Variants in DNAH8 observed in about 807,000 individuals in gnomAD.
DNAH8 encodes the protein dynein axonemal heavy chain 8, also known as axonemal beta dynein heavy chain 8.
Under a neutral mutation model 562.1 loss-of-function variants are expected in DNAH8, and 382 were observed. That is an observed-to-expected ratio of 0.68 (90% CI 0.63 to 0.74). The LOEUF is 0.74. Among genes scored for constraint, DNAH8 ranks in the 30% least tolerant of loss-of-function variants. DNAH8 has a pLI of 0.00. For missense variants in DNAH8, 5,203 were observed against 5,620.4 expected (o/e 0.93, Z 2.37); for synonymous variants, 1,881 against 1,919.4 (o/e 0.98, Z 0.52).
At position 38,935,457 on chromosome 6, in the gene DNAH8, A is replaced by C. The variant is rs923678686; in HGVS notation, c.11458-135A>C. The C allele has an allele frequency of 2.1e-5, 13 of 627,818 alleles. No individual in the cohort carries two copies. In the East Asian group the frequency reaches 3.3e-4, roughly 16 times the overall value. 38.9% of individuals were successfully genotyped at this position (627,818 alleles called of 1,614,324 possible). On this transcript the variant is annotated intron_variant, in intron 76 of 92. Transcript: ENST00000327475. Reference sequence around the variant, plus strand: ...TATGGATAGATAGATTTGGCTAATGATAGTAATTTCTTCTGCCATTCAAAA... The same window carrying C: ...TATGGATAGATAGATTTGGCTAATGCTAGTAATTTCTTCTGCCATTCAAAA...
intron 62 of DNAH8, among the ~76,000 whole-genome samples, chr6:38,905,947 C>T (rs531676852): frequency 2.0e-5 from 3 of 152,022 alleles, no homozygotes; most frequent in Non-Finnish European, 4.4e-5. Context: ...ACTCTGTCGC[C>T]CAGGCTGGAG....
intron 10 of DNAH8, among the ~76,000 whole-genome samples, 192 bp from the exon 11 acceptor site, chr6:38,761,510 G>A (rs1042179737): frequency 6.6e-6 from 1 of 150,988 alleles, no homozygotes; most frequent in Non-Finnish European, 1.5e-5. Flanking sequence ...TTCCCAGGCT[G>A]GCTTTGAACT....
intron 26 of DNAH8, among the ~76,000 whole-genome samples, 177 bp from the exon 27 acceptor site, chr6:38,822,661 T>TGA (rs1011496303): frequency 9.9e-5 from 15 of 152,260 alleles, no homozygotes; most frequent in Middle Eastern, 3.4e-3. Flanking sequence ...CATAGTTTAA[T>TGA]GAGAATACAT....
chr6:38,923,080 C>G lies in DNAH8; in HGVS notation c.10685C>G (p.Thr3562Arg). 2 of 1,613,356 alleles carry G rather than the reference C, an allele frequency of 1.2e-6. No homozygotes were observed. The highest frequency in any genetic ancestry group is 1.7e-6 in the Non-Finnish European group (2 of 1,179,652). Residue 3562 changes from threonine to arginine, a missense_variant, in exon 72 of 93, where the codon ACG (threonine) becomes AGG (arginine). Thr to Arg is a moderately conservative substitution (Grantham distance 71, BLOSUM62 -1). This residue lies in a region of DNAH8 where 1,399 missense variants were observed against 1,518.4 expected (regional missense o/e 0.92). Coordinates refer to ENST00000327475, the MANE Select transcript of DNAH8 (RefSeq NM_001206927.2). ...CAGGATTTGCTTAATGACGCTGATA[C>G]GTGCCGGAAAAAGATGCAGGCCGCC... ...EKMDLLNDAD[T>R]CRKKMQAAST...
At chr6:38,889,061 G>T (rs191125193) in intron 57 of DNAH8, among the ~76,000 whole-genome samples, 2 of 152,322 alleles carry the variant, frequency 1.3e-5, no homozygotes, top group East Asian at 3.9e-4. Flanking sequence ...ATGCATGCCA[G>T]CAGACTTATA....
chr6:38,871,880 A>G (rs1561792599), intron 49 of DNAH8, among the ~76,000 whole-genome samples: 1 of 152,188 alleles, frequency 6.6e-6, no homozygotes, highest in African/African-American at 2.4e-5. Context: ...AGGAAAGTCA[A>G]GCTTGCCTGG....
chr6:38,991,841 C>A (rs1764810826), intron 88 of DNAH8, among the ~76,000 whole-genome samples: 1 of 152,302 alleles, frequency 6.6e-6, no homozygotes, highest in African/African-American at 2.4e-5. Flanking sequence ...TAGATGTAGC[C>A]TTTTCAATGA....
Position 38,885,788 on chromosome 6 carries a change from C to T in DNAH8, c.8260-1003C>T, listed in dbSNP as rs530026063. On this transcript the variant is annotated intron_variant, in intron 56 of 92. Transcript: ENST00000327475. ...TATATATCATGTCAGGTGAAGCCTC[C>T]CCTGCTCTCCTTGAGTCACACCCTT... Among the ~76,000 whole-genome samples, 46 of 152,288 alleles carry T rather than the reference C, an allele frequency of 3.0e-4. No individual in the cohort carries two copies. The South Asian group carries it at 3.7e-3, about 12-fold the overall frequency.
At chr6:38,903,610 TC>T (rs1561841088) in intron 62 of DNAH8, among the ~76,000 whole-genome samples, 1 of 108,118 alleles carries the variant, frequency 9.2e-6, no homozygotes, top group Non-Finnish European at 1.7e-5. Flanking sequence ...CTTTCTTTCT[TC>T]CTTTTTTTTT....
chr6:38,924,036 T>A lies in DNAH8; in HGVS notation c.10836T>A (p.Leu3612=). ...TGTGCACGGGATTCCTTTCCTACCTTGGTCCTTTCAATCAGATATTTAGGA... is the reference window on the plus strand; with the variant it reads ...TGTGCACGGGATTCCTTTCCTACCTAGGTCCTTTCAATCAGATATTTAGGA... ...ILLCTGFLSY[L]GPFNQIFRNY... The change falls in exon 73 of 93, where the codon CTT becomes CTA. Residue 3612 remains leucine, a synonymous_variant. Coordinates refer to ENST00000327475, the MANE Select transcript of DNAH8 (RefSeq NM_001206927.2). The A allele has an allele frequency of 6.2e-7, 1 of 1,614,034 alleles. No homozygotes were observed. Among genetic ancestry groups the A allele is most frequent in the Non-Finnish European group, 8.5e-7 (1 of 1,179,922 alleles).
intron 82 of DNAH8, among the ~76,000 whole-genome samples, chr6:38,966,067 A>G (rs1195268134): frequency 2.0e-5 from 3 of 152,210 alleles, no homozygotes. Flanking sequence ...AGTCAAAGGT[A>G]TCTTTTTTGA....
rs1348456685 is a variant in DNAH8, at chr6:38,896,220, G to A, written c.8935G>A (p.Glu2979Lys). Residue 2979 changes from glutamate (E) to lysine (K), a missense_variant, in exon 60 of 93, where the codon GAA becomes AAA. Glu to Lys is a moderately conservative substitution (Grantham distance 56, BLOSUM62 1). This residue lies in a region of DNAH8 where 977 missense variants were observed against 1,061.8 expected (regional missense o/e 0.92). Transcript: ENST00000327475. ...TGTGTTTGAAGTACCCAAAATATAT[G>A]AATTGGTATTTATTTTCATCTCTTA... is the stretch of plus-strand genomic sequence containing the variant. ...DSVFEVPKIY[E>K]LMPSFDFLAE... The A allele has an allele frequency of 1.9e-6, 3 of 1,611,678 alleles. No homozygotes were observed. In the South Asian group the frequency reaches 3.3e-5, roughly 18 times the overall value.
intron 11 of DNAH8, among the ~76,000 whole-genome samples, chr6:38,765,457 A>G (rs1330006327): frequency 1.3e-5 from 2 of 152,110 alleles, no homozygotes; most frequent in Non-Finnish European, 2.9e-5. Context: ...AATCCACTTT[A>G]GGTTGACTTT....
chr6:38,805,482 A>G lies in DNAH8; in HGVS notation c.3036A>G (p.Glu1012=). ...KYTGKVGKQS[E]QRKHVVFGSE... ...TTTTGTTTTGTCTTTTGTCTATAGA[A>G]CAGCGGAAACACGTTGTTTTTGGAA... Residue 1012 remains glutamate (E), a splice_region_variant and synonymous_variant, in exon 23 of 93, where the codon GAA becomes GAG. Transcript: ENST00000327475. The G allele has an allele frequency of 6.3e-7, 1 of 1,591,662 alleles. No homozygotes were observed. Among genetic ancestry groups the G allele is most frequent in the Non-Finnish European group, 8.6e-7 (1 of 1,159,896 alleles).
chr6:38,813,849 A>T lies in DNAH8; in HGVS notation c.3258-205A>T, dbSNP rs1738222. 0.29 allele frequency among the ~76,000 whole-genome samples: 44,497 copies of T among 151,974 alleles called. 6,847 individuals are homozygous for T. The highest frequency in any genetic ancestry group is 0.42 in the East Asian group (2,184 of 5,166). On this transcript the variant is annotated intron_variant, in intron 24 of 92. Coordinates refer to ENST00000327475, the MANE Select transcript of DNAH8 (RefSeq NM_001206927.2). ...TAAAATAGTAGAAAATGTATATGAG[A>T]TTACTATTTTACTTCTAAGACTATT...
chr6:38,819,196 G>A (rs1772588560), intron 26 of DNAH8, among the ~76,000 whole-genome samples: 1 of 152,138 alleles, frequency 6.6e-6, no homozygotes, highest in South Asian at 2.1e-4. Context: ...TTTCCTTTAT[G>A]GCTAGTTTTG....
intron 17 of DNAH8, among the ~76,000 whole-genome samples, chr6:38,783,967 G>A (rs1562772760): frequency 6.6e-6 from 1 of 152,182 alleles, no homozygotes; most frequent in Non-Finnish European, 1.5e-5. Context: ...TGGAACGGTG[G>A]TGAGAGGAGT....
chr6:38,895,831 CTG>C (rs752338832), intron 59 of DNAH8, among the ~76,000 whole-genome samples, 200 bp from the exon 60 acceptor site: 14 of 152,190 alleles, frequency 9.2e-5, no homozygotes, highest in Non-Finnish European at 1.6e-4. Context: ...AGTGATTCAT[CTG>C]TGTTTTCTAT....
intron 41 of DNAH8, among the ~76,000 whole-genome samples, chr6:38,856,303 A>G (rs1776190742): frequency 6.6e-6 from 1 of 152,084 alleles, no homozygotes; most frequent in Non-Finnish European, 1.5e-5. Context: ...TTTTAATGAG[A>G]CATCCTCTGG....
Sources: allele counts gnomAD v4.1 joint callset (sites outside exome capture counted in the v4.1 genomes callset), GRCh38; gene constraint gnomAD v4.1.1; regional missense constraint gnomAD v4.1.1; transcripts MANE v1.5; gene names NCBI Gene and HGNC (gene_info 2026-07-23, HGNC 2026-07-21).